Variants in SLC35F4 observed in about 807,000 individuals in gnomAD.
SLC35F4 encodes solute carrier family 35 member F4, also known as chromosome 14 open reading frame 36.
A neutral mutation model predicts 44.2 loss-of-function variants in SLC35F4; 24 were observed. The observed-to-expected ratio is 0.54, with a 90% CI of 0.39 to 0.76. The LOEUF is 0.76. SLC35F4 is among the 30% of genes least tolerant of loss of function. The pLI is 0.00. For missense variants in SLC35F4, 562 were observed against 586.1 expected (o/e 0.96, Z 0.42); for synonymous variants, 238 against 223.6 (o/e 1.06, Z -0.57).
At chr14:57,571,841 T>C in intron 5 of SLC35F4, 53 bp downstream of exon 5, 3 of 1,579,416 alleles carry the variant, frequency 1.9e-6, no homozygotes, top group South Asian at 1.2e-5. Context: ...ACTTTAGTAC[T>C]CAAGTCTAAG....
intron 1 of SLC35F4, among the ~76,000 whole-genome samples, chr14:57,619,637 C>T (rs1406064631): frequency 6.6e-6 from 1 of 152,080 alleles, no homozygotes; most frequent in Non-Finnish European, 1.5e-5. Flanking sequence ...GCCTCTTCTC[C>T]AAAGGATCAC....
rs140460309 is a variant in SLC35F4, at chr14:57,758,647, T to C, written c.103+107076A>G. ...CTAATGTCTGTGTCAGTTTTCTTAA[T>C]GGATTTTTCTCTTTATTATGGGTCA... On this transcript the variant is annotated intron_variant, in intron 1 of 7. Transcript: ENST00000556826. Among the ~76,000 whole-genome samples the C allele has an allele frequency of 6.4e-3, 972 of 152,274 alleles. 6 individuals carry two copies. Among genetic ancestry groups the C allele is most frequent in the African/African-American group, 0.022 (907 of 41,570 alleles).
At chr14:57,799,923 T>C (rs1247734430) in intron 1 of SLC35F4, among the ~76,000 whole-genome samples, 2 of 152,140 alleles carry the variant, frequency 1.3e-5, no homozygotes, top group Non-Finnish European at 2.9e-5. Flanking sequence ...CAACTCAGCT[T>C]TTCCAGCCTG....
chr14:57,679,552 C>CA (rs1336929076), intron 1 of SLC35F4, among the ~76,000 whole-genome samples: 1 of 151,898 alleles, frequency 6.6e-6, no homozygotes, highest in East Asian at 1.9e-4. Context: ...GAGAGCGACA[C>CA]AAAAGACCCT....
chr14:57,719,970 T>G (rs2076043672), intron 1 of SLC35F4, among the ~76,000 whole-genome samples: 1 of 152,182 alleles, frequency 6.6e-6, no homozygotes, highest in African/African-American at 2.4e-5. Flanking sequence ...TTTATTATGT[T>G]GTGGTATGTT....
chr14:57,592,976 G>C (rs1164979339), intron 2 of SLC35F4, among the ~76,000 whole-genome samples: 1 of 152,086 alleles, frequency 6.6e-6, no homozygotes, highest in Non-Finnish European at 1.5e-5. Context: ...CAAATGGAGA[G>C]AAACAAATGG....
At chr14:57,920,363 C>T (rs1889418323) in intron 1 of SLC35F4, among the ~76,000 whole-genome samples, 1 of 152,032 alleles carries the variant, frequency 6.6e-6, no homozygotes, top group Admixed American at 6.6e-5. Context: ...TCACTTGAGC[C>T]CAGGAGTTGG....
intron 1 of SLC35F4, among the ~76,000 whole-genome samples, chr14:57,860,354 T>C (rs1247123312): frequency 6.6e-6 from 1 of 152,180 alleles, no homozygotes; most frequent in East Asian, 1.9e-4. Context: ...AGGCAACTGT[T>C]TACCAAAGGT....
intron 4 of SLC35F4, among the ~76,000 whole-genome samples, chr14:57,577,333 T>C (rs1809161254): frequency 6.6e-6 from 1 of 152,116 alleles, no homozygotes; most frequent in Non-Finnish European, 1.5e-5. Flanking sequence ...AGCTATAGTT[T>C]GGGAAGCTAA....
intron 1 of SLC35F4, chr14:57,596,714 G>A (rs375521687): frequency 4.7e-5 from 56 of 1,182,548 alleles, no homozygotes; most frequent in Middle Eastern, 4.5e-4. Context: ...TGTGTGTAGC[G>A]AGCAAGTGTT....
chr14:57,817,515 G>C (rs971867733), intron 1 of SLC35F4, among the ~76,000 whole-genome samples: 1 of 152,136 alleles, frequency 6.6e-6, no homozygotes, highest in Non-Finnish European at 1.5e-5. Context: ...ACCACAGCCT[G>C]AGGAAGGAAA....
At chr14:57,675,081 A>C (rs10431700) in intron 1 of SLC35F4, among the ~76,000 whole-genome samples, 2 of 151,808 alleles carry the variant, frequency 1.3e-5, no homozygotes, top group African/African-American at 4.9e-5. Context: ...TAGAGGCAGC[A>C]AATTCATTTA....
intron 1 of SLC35F4, among the ~76,000 whole-genome samples, chr14:57,659,454 G>C (rs1403175045): frequency 4.6e-5 from 7 of 152,166 alleles, no homozygotes; most frequent in Admixed American, 4.6e-4. Context: ...AAAGGGAGCA[G>C]TCAGAATTAA....
chr14:57,822,011 T>G (rs987371547), intron 1 of SLC35F4, among the ~76,000 whole-genome samples: 1 of 152,184 alleles, frequency 6.6e-6, no homozygotes, highest in Non-Finnish European at 1.5e-5. Flanking sequence ...GATTTGGTGC[T>G]TTAGGCTCTT....
At position 57,865,873 on chromosome 14, in the gene SLC35F4, G is replaced by T; in HGVS notation, c.-48C>A. 1 of 1,379,492 alleles carries T rather than the reference G, an allele frequency of 7.2e-7. No individual in the cohort carries two copies. Among genetic ancestry groups the T allele is most frequent in the Admixed American group, 2.4e-5 (1 of 41,364 alleles). 85.5% of individuals were successfully genotyped at this position (1,379,492 alleles called of 1,614,324 possible). A position where few individuals can be genotyped will look rare whatever the true frequency, so the allele number is the denominator to read the frequency against. On this transcript the variant is annotated 5_prime_UTR_variant, in exon 1 of 8. In the 5' UTR this introduces an upstream ATG that the reference lacks. Coordinates refer to ENST00000556826, the MANE Select transcript of SLC35F4 (RefSeq NM_001306087.2). ...CGAGTGCGGCGGGGCGGAGAGCGCA[G>T]CGCGGGGCCCGGGAGCTGGTGCAGG...
intron 4 of SLC35F4, among the ~76,000 whole-genome samples, chr14:57,574,353 A>G (rs780679022): frequency 3.3e-5 from 5 of 152,224 alleles, no homozygotes; most frequent in Non-Finnish European, 7.3e-5. Flanking sequence ...AGCCTGGACC[A>G]CTTAAATTGA....
intron 1 of SLC35F4, among the ~76,000 whole-genome samples, chr14:57,845,548 T>C (rs977170323): frequency 6.6e-6 from 1 of 152,230 alleles, no homozygotes; most frequent in Non-Finnish European, 1.5e-5. Flanking sequence ...TTGGTTACAA[T>C]CCCACTATGA....
chr14:57,610,901 CAT>C, intron 1 of SLC35F4, among the ~76,000 whole-genome samples: 1 of 152,342 alleles, frequency 6.6e-6, no homozygotes, highest in South Asian at 2.1e-4. Flanking sequence ...TGAACAAACA[CAT>C]AAACATATGG....
chr14:57,764,005 G>A (rs975725291), intron 1 of SLC35F4, among the ~76,000 whole-genome samples: 1 of 152,152 alleles, frequency 6.6e-6, no homozygotes, highest in African/African-American at 2.4e-5. Context: ...TGAAACACAT[G>A]CTGTTGGGAT....
Sources: gnomAD v4.1 joint callset for allele counts (sites outside exome capture counted in the v4.1 genomes callset) on GRCh38, gnomAD v4.1.1 for gene constraint, MANE v1.5 for transcripts, NCBI Gene and HGNC (gene_info 2026-07-23, HGNC 2026-07-21) for gene names.